MAP1LC3B: variants seen among roughly 807,000 people sequenced by gnomAD.
MAP1LC3B encodes the protein microtubule-associated protein 1 light chain 3 beta.
A neutral mutation model predicts 16.7 loss-of-function variants in MAP1LC3B; 12 were observed. The ratio of observed to expected loss-of-function variants is 0.72; its 90% CI spans 0.46 to 1.16. MAP1LC3B has a LOEUF of 1.16. Among genes scored for constraint, MAP1LC3B ranks in the 50% most tolerant of loss-of-function variants. The pLI, the probability that MAP1LC3B is intolerant of heterozygous loss-of-function variation, is 0.00. For missense variants in MAP1LC3B, 155 were observed against 159.5 expected (o/e 0.97, Z 0.15); for synonymous variants, 63 against 56.5 (o/e 1.11, Z -0.51).
chr16:87,398,703 G>A, intron 1 of MAP1LC3B, 112 bp from the exon 2 acceptor site: 3 of 875,482 alleles, frequency 3.4e-6, no homozygotes, highest in South Asian at 2.9e-5. Flanking sequence ...GATGTCTTCA[G>A]TGTTCTGCTG....
intron 2 of MAP1LC3B, chr16:87,399,421 C>T (rs1907909493): frequency 2.5e-5 from 8 of 317,386 alleles, no homozygotes; most frequent in East Asian, 1.7e-4. Flanking sequence ...AGAACGTGTC[C>T]GCTAGATAAA....
At chr16:87,395,800 C>T (rs1182187250) in intron 1 of MAP1LC3B, among the ~76,000 whole-genome samples, 1 of 148,940 alleles carries the variant, frequency 6.7e-6, no homozygotes, top group Non-Finnish European at 1.5e-5. Flanking sequence ...TAACTTTAAA[C>T]ACTATAGTTT....
At chr16:87,392,490 C>G in intron 1 of MAP1LC3B, 23 bp downstream of exon 1, 2 of 1,280,448 alleles carry the variant, frequency 1.6e-6, no homozygotes, top group Non-Finnish European at 9.8e-7. Context: ...GCGAGGGCGG[C>G]GGGTGCGGCG....
chr16:87,394,769 T>C (rs1344485764), intron 1 of MAP1LC3B, among the ~76,000 whole-genome samples: 2 of 152,190 alleles, frequency 1.3e-5, no homozygotes, highest in African/African-American at 4.8e-5. Flanking sequence ...AAATATTGAA[T>C]GAACTTCAAA....
In MAP1LC3B at chr16:87,403,246, G is replaced by C. The variant is rs1030319815; in HGVS notation, c.*149G>C. ...CTAGGAGTGTTAGGAAGTTGTGTTTGTGTTTCAAGCAGAAAAACTGAGCTC... is the reference window on the plus strand; with the variant it reads ...CTAGGAGTGTTAGGAAGTTGTGTTTCTGTTTCAAGCAGAAAAACTGAGCTC... On this transcript the variant is annotated 3_prime_UTR_variant, in exon 4 of 4. Coordinates refer to ENST00000268607, the MANE Select transcript of MAP1LC3B (RefSeq NM_022818.5). 2.3e-6 allele frequency: 2 copies of C among 879,220 alleles called. No homozygotes were observed. Among genetic ancestry groups the C allele is most frequent in the Admixed American group, 3.3e-5 (1 of 30,314 alleles). The allele number at this position is 879,220 out of a possible 1,614,324, so 54.5% of individuals were successfully genotyped here. A position where few individuals can be genotyped will look rare whatever the true frequency, so the allele number is the denominator to read the frequency against.
chr16:87,403,936 G>A lies in MAP1LC3B; in HGVS notation c.*839G>A, dbSNP rs1908084404. ...TACCAGTGTCACTCTGGAGTACAGC[G>A]GGAGAAACACAAAATAGTATAACTG... On this transcript the variant is annotated 3_prime_UTR_variant, in exon 4 of 4. Transcript: ENST00000268607. The A allele has an allele frequency of 2.0e-5, 3 of 152,150 alleles. No homozygotes were observed. Among genetic ancestry groups the A allele is most frequent in the Admixed American group, 6.5e-5 (1 of 15,274 alleles). 9.4% of individuals were successfully genotyped at this position (152,150 alleles called of 1,614,324 possible). A position where few individuals can be genotyped will look rare whatever the true frequency, so the allele number is the denominator to read the frequency against.
At chr16:87,402,554 GTTA>G (rs1328068358) in intron 3 of MAP1LC3B, 1 of 551,080 alleles carries the variant, frequency 1.8e-6, no homozygotes, top group Non-Finnish European at 3.2e-6. Flanking sequence ...AGTGTTACAA[GTTA>G]TTAAGGTATT....
intron 2 of MAP1LC3B, among the ~76,000 whole-genome samples, chr16:87,401,576 A>C (rs1484572096): frequency 6.6e-6 from 1 of 152,264 alleles, no homozygotes; most frequent in Non-Finnish European, 1.5e-5. Context: ...TCTATGCCCT[A>C]GGCTGGAGTG....
intron 1 of MAP1LC3B, 102 bp from the exon 2 acceptor site, chr16:87,398,713 G>A: frequency 1.0e-6 from 1 of 987,250 alleles, no homozygotes; most frequent in African/African-American, 1.6e-5. Flanking sequence ...GTGTTCTGCT[G>A]TGCCACAGCT....
chr16:87,394,357 G>A (rs1907725975), intron 1 of MAP1LC3B, among the ~76,000 whole-genome samples: 1 of 152,178 alleles, frequency 6.6e-6, no homozygotes, highest in South Asian at 2.1e-4. Flanking sequence ...GACATGTGTA[G>A]CACAGTAAGT....
At chr16:87,400,564 T>C (rs1028328278) in intron 2 of MAP1LC3B, among the ~76,000 whole-genome samples, 2 of 152,194 alleles carry the variant, frequency 1.3e-5, no homozygotes, top group East Asian at 1.9e-4. Flanking sequence ...ACTTTGTCTC[T>C]AGAACCAGCT....
At chr16:87,398,742 G>A (rs1266570032) in intron 1 of MAP1LC3B, 73 bp from the exon 2 acceptor site, 4 of 1,344,204 alleles carry the variant, frequency 3.0e-6, no homozygotes, top group African/African-American at 1.4e-5. Context: ...AACTTGGATG[G>A]AGAACCAGCA....
chr16:87,393,303 G>C (rs1282094812), intron 1 of MAP1LC3B: 1 of 152,224 alleles, frequency 6.6e-6, no homozygotes, highest in African/African-American at 2.4e-5. Context: ...TTGAGCAAGA[G>C]AACGCCGCAG....
At chr16:87,394,758 G>C (rs575691559) in intron 1 of MAP1LC3B, among the ~76,000 whole-genome samples, 1 of 152,282 alleles carries the variant, frequency 6.6e-6, no homozygotes, top group African/African-American at 2.4e-5. Context: ...AGATGTGTTG[G>C]AAATATTGAA....
chr16:87,395,899 C>G (rs1369278791), intron 1 of MAP1LC3B, among the ~76,000 whole-genome samples: 1 of 129,026 alleles, frequency 7.8e-6, no homozygotes, highest in Non-Finnish European at 1.6e-5. Flanking sequence ...CTCGCGCTGT[C>G]ACCCAGGCTG....
Position 87,403,220 on chromosome 16 carries a change from C to T in MAP1LC3B, c.*123C>T. On this transcript the variant is annotated 3_prime_UTR_variant, in exon 4 of 4. Transcript: ENST00000268607. ...AGATCATGAAACAGTAGTGTTCCCA[C>T]CTAGGAGTGTTAGGAAGTTGTGTTT... is the stretch of plus-strand genomic sequence containing the variant. 3 of 1,223,664 alleles carry T rather than the reference C, an allele frequency of 2.5e-6. No homozygotes were observed. Among genetic ancestry groups the T allele is most frequent in the Non-Finnish European group, 3.4e-6 (3 of 886,618 alleles). The allele number at this position is 1,223,664 out of a possible 1,614,324, so 75.8% of individuals were successfully genotyped here. A position where few individuals can be genotyped will look rare whatever the true frequency, so the allele number is the denominator to read the frequency against.
At chr16:87,393,642 C>T (rs541796896) in intron 1 of MAP1LC3B, among the ~76,000 whole-genome samples, 49 of 152,250 alleles carry the variant, frequency 3.2e-4, no homozygotes, top group African/African-American at 1.1e-3. Context: ...CTTACACGTG[C>T]CTTTTTTGTT....
intron 1 of MAP1LC3B, among the ~76,000 whole-genome samples, chr16:87,398,517 T>G (rs1907881446): frequency 6.6e-6 from 1 of 152,258 alleles, no homozygotes; most frequent in Admixed American, 6.5e-5. Flanking sequence ...TGGGTCTGCC[T>G]TGTATGTCTG....
chr16:87,395,919 G>T (rs528689151), intron 1 of MAP1LC3B, among the ~76,000 whole-genome samples: 3 of 142,900 alleles, frequency 2.1e-5, no homozygotes, highest in African/African-American at 5.2e-5. Flanking sequence ...GGAGTGCAGT[G>T]GCATGATCTC....
Sources: gnomAD v4.1 joint callset for allele counts (sites outside exome capture counted in the v4.1 genomes callset) on GRCh38, gnomAD v4.1.1 for gene constraint, MANE v1.5 for transcripts, NCBI Gene and HGNC (gene_info 2026-07-23, HGNC 2026-07-21) for gene names.